WWOX: variants seen among roughly 807,000 people sequenced by gnomAD.
WWOX encodes WW domain-containing oxidoreductase.
Under a neutral mutation model 46.2 loss-of-function variants are expected in WWOX, and 69 were observed. That is an observed-to-expected ratio of 1.49 (90% CI 1.23 to 1.82). The LOEUF (loss-of-function observed/expected upper bound fraction) is 1.82. WWOX is among the 40% of genes most tolerant of loss of function. The pLI is 0.00. For synonymous variants in WWOX, 359 were observed against 202.6 expected (o/e 1.77, Z -6.56); for missense variants, 919 against 542.6 (o/e 1.69, Z -6.89).
chr16:78,554,719 A>T (rs2044248440), intron 8 of WWOX, among the ~76,000 whole-genome samples: 1 of 152,070 alleles, frequency 6.6e-6, no homozygotes, highest in South Asian at 2.1e-4. Context: ...GCAGCCTTCC[A>T]TTCAGGGCAC....
chr16:78,280,281 T>G (rs2079652963), intron 5 of WWOX, among the ~76,000 whole-genome samples: 1 of 152,234 alleles, frequency 6.6e-6, no homozygotes. Flanking sequence ...TATATAAATA[T>G]TTGGAATTGT....
chr16:79,114,762 C>G (rs1390364095), intron 8 of WWOX, among the ~76,000 whole-genome samples: 2 of 152,120 alleles, frequency 1.3e-5, no homozygotes, highest in Non-Finnish European at 2.9e-5. Flanking sequence ...AAGATATACC[C>G]TTTAGCCAAG....
chr16:78,965,284 T>G (rs2046343850), intron 8 of WWOX, among the ~76,000 whole-genome samples: 2 of 152,066 alleles, frequency 1.3e-5, no homozygotes, highest in African/African-American at 4.8e-5. Flanking sequence ...ACTAGTAAAA[T>G]TTGGCCAGAC....
At chr16:78,952,119 A>T (rs1051538460) in intron 8 of WWOX, among the ~76,000 whole-genome samples, 2 of 151,830 alleles carry the variant, frequency 1.3e-5, no homozygotes, top group Admixed American at 1.3e-4. Context: ...TCCCTGTCTC[A>T]TTTCTCACTG....
chr16:78,513,445 C>G (rs1026783896), intron 8 of WWOX, among the ~76,000 whole-genome samples: 1 of 152,162 alleles, frequency 6.6e-6, no homozygotes, highest in African/African-American at 2.4e-5. Flanking sequence ...AAATGACATT[C>G]CTTGAGACTC....
chr16:78,556,641 CGTACCG>C (rs1381748149), intron 8 of WWOX, among the ~76,000 whole-genome samples: 1 of 152,142 alleles, frequency 6.6e-6, no homozygotes, highest in Non-Finnish European at 1.5e-5. Context: ...TTCAACCAAA[CGTACCG>C]GTGTGTGATT....
At chr16:78,725,920 T>C (rs1052396387) in intron 8 of WWOX, among the ~76,000 whole-genome samples, 5 of 151,932 alleles carry the variant, frequency 3.3e-5, no homozygotes, top group African/African-American at 1.2e-4. Flanking sequence ...TTTCTTCTCT[T>C]TTTTCTCCTT....
At chr16:78,376,674 C>A (rs1269886319) in intron 5 of WWOX, among the ~76,000 whole-genome samples, 1 of 152,166 alleles carries the variant, frequency 6.6e-6, no homozygotes, top group African/African-American at 2.4e-5. Context: ...GCATCCCTGA[C>A]CTCTGCCCCC....
intron 5 of WWOX, among the ~76,000 whole-genome samples, chr16:78,327,329 G>A (rs547412926): frequency 6.6e-6 from 1 of 152,140 alleles, no homozygotes; most frequent in Non-Finnish European, 1.5e-5. Flanking sequence ...GGGGTGTGAA[G>A]CGTGCCAGCT....
At chr16:78,293,705 C>T (rs536762197) in intron 5 of WWOX, among the ~76,000 whole-genome samples, 4 of 152,164 alleles carry the variant, frequency 2.6e-5, no homozygotes, top group South Asian at 4.1e-4. Flanking sequence ...TGGCTGGGTG[C>T]GGTGCCTCAG....
At chr16:78,788,316 C>T (rs1028073606) in intron 8 of WWOX, among the ~76,000 whole-genome samples, 3 of 151,970 alleles carry the variant, frequency 2.0e-5, no homozygotes, top group Admixed American at 1.3e-4. Flanking sequence ...TCTATTGTTA[C>T]AATATTGCCT....
In WWOX at chr16:78,437,576, T is replaced by C. The variant is rs372098112; in HGVS notation, c.1056+4824T>C. Among the ~76,000 whole-genome samples the C allele has an allele frequency of 1.1e-4, 15 of 131,524 alleles. No homozygotes were observed. In the South Asian group the frequency reaches 2.6e-3, roughly 23 times the overall value. 86.3% of individuals were successfully genotyped at this position (131,524 alleles called of 152,430 possible). Reference sequence around the variant, plus strand: ...GTAAAGCCATGTCTCTGCCTCCCTCTTCTTCTTCAGATCCAGAGAACTGGA... The same window carrying C: ...GTAAAGCCATGTCTCTGCCTCCCTCCTCTTCTTCAGATCCAGAGAACTGGA... On this transcript the variant is annotated intron_variant, in intron 8 of 8. Coordinates refer to ENST00000566780, the MANE Select transcript of WWOX (RefSeq NM_016373.4).
intron 8 of WWOX, among the ~76,000 whole-genome samples, chr16:78,646,804 C>G (rs1364476455): frequency 6.6e-6 from 1 of 152,182 alleles, no homozygotes; most frequent in Non-Finnish European, 1.5e-5. Context: ...AAGTCAGGGA[C>G]CATGCCTAGA....
At chr16:78,790,656 G>A (rs2050572449) in intron 8 of WWOX, among the ~76,000 whole-genome samples, 1 of 152,114 alleles carries the variant, frequency 6.6e-6, no homozygotes, top group Non-Finnish European at 1.5e-5. Context: ...CCTTGGACAT[G>A]AAACACAAGT....
intron 8 of WWOX, chr16:78,503,564 A>G (rs973296294): frequency 2.0e-5 from 3 of 152,170 alleles, no homozygotes; most frequent in Non-Finnish European, 4.4e-5. Context: ...TTGATGTGCC[A>G]TGATCTTTGT....
intron 5 of WWOX, among the ~76,000 whole-genome samples, chr16:78,302,742 C>T (rs74649398): frequency 4.6e-5 from 7 of 152,160 alleles, no homozygotes; most frequent in Non-Finnish European, 2.9e-5. Context: ...TGCTACTTGC[C>T]AAGACACTGT....
intron 5 of WWOX, among the ~76,000 whole-genome samples, chr16:78,284,111 G>T (rs1442463736): frequency 1.3e-5 from 2 of 152,184 alleles, no homozygotes; most frequent in Non-Finnish European, 2.9e-5. Context: ...GGGGTTTAGA[G>T]ATCATCTGAG....
chr16:78,248,722 C>T (rs556523891), intron 5 of WWOX, among the ~76,000 whole-genome samples: 6 of 151,948 alleles, frequency 3.9e-5, no homozygotes, highest in Admixed American at 1.3e-4. Context: ...TGTAACAGAG[C>T]GAGACCCCAT....
chr16:78,374,808 C>A (rs1476468894), intron 5 of WWOX, among the ~76,000 whole-genome samples: 3 of 151,966 alleles, frequency 2.0e-5, no homozygotes, highest in African/African-American at 7.2e-5. Flanking sequence ...CCTCGGCCTC[C>A]CAAAGTGCTA....
Sources: gnomAD v4.1 joint callset for allele counts (sites outside exome capture counted in the v4.1 genomes callset) on GRCh38, gnomAD v4.1.1 for gene constraint, MANE v1.5 for transcripts, NCBI Gene and HGNC (gene_info 2026-07-23, HGNC 2026-07-21) for gene names.